Variants in UNC5D observed in about 807,000 individuals in gnomAD.
UNC5D encodes the protein netrin receptor UNC5D.
A neutral mutation model predicts 105.4 loss-of-function variants in UNC5D; 39 were observed. The observed-to-expected ratio is 0.37, with a 90% CI of 0.29 to 0.48. The LOEUF (loss-of-function observed/expected upper bound fraction) is 0.48, where lower values mean the gene tolerates loss of function less well. Among genes scored for constraint, UNC5D ranks in the 20% least tolerant of loss-of-function variants. UNC5D has a pLI of 0.98. For missense variants in UNC5D, 991 were observed against 1,202.4 expected (o/e 0.82, Z 2.60); for synonymous variants, 452 against 450.4 (o/e 1.00, Z -0.04).
At chr8:35,745,515 A>G (rs185797443) in intron 11 of UNC5D, among the ~76,000 whole-genome samples, 69 of 152,328 alleles carry the variant, frequency 4.5e-4, no homozygotes, top group Admixed American at 1.4e-3. Context: ...TAAGGCATTG[A>G]GAATTTAAGT....
At chr8:35,739,785 A>G (rs537976142) in intron 11 of UNC5D, among the ~76,000 whole-genome samples, 2 of 152,304 alleles carry the variant, frequency 1.3e-5, no homozygotes, top group African/African-American at 4.8e-5. Context: ...TTTAATATAT[A>G]TCATCCTTTC....
At chr8:35,643,140 G>A (rs564256242) in intron 4 of UNC5D, among the ~76,000 whole-genome samples, 1 of 152,114 alleles carries the variant, frequency 6.6e-6, no homozygotes, top group Admixed American at 6.5e-5. Flanking sequence ...GTTGTGGGGG[G>A]GCTGTCCTGT....
chr8:35,652,802 C>G (rs1823503228), intron 4 of UNC5D, among the ~76,000 whole-genome samples: 1 of 151,224 alleles, frequency 6.6e-6, no homozygotes, highest in African/African-American at 2.4e-5. Context: ...CTCTCTCTGT[C>G]TCTGGGGAGC....
chr8:35,514,429 TG>T (rs1354031937), intron 1 of UNC5D, among the ~76,000 whole-genome samples: 1 of 152,208 alleles, frequency 6.6e-6, no homozygotes, highest in African/African-American at 2.4e-5. Flanking sequence ...GGAGAGCAGA[TG>T]GAAGTTGCTG....
At chr8:35,601,192 G>A (rs900933038) in intron 4 of UNC5D, among the ~76,000 whole-genome samples, 2 of 152,044 alleles carry the variant, frequency 1.3e-5, no homozygotes, top group Non-Finnish European at 2.9e-5. Context: ...ATGCTGTTTT[G>A]GTTACTGTAG....
intron 1 of UNC5D, among the ~76,000 whole-genome samples, chr8:35,525,919 TAAAG>T (rs751940062): frequency 6.6e-6 from 1 of 152,334 alleles, no homozygotes. Flanking sequence ...GGAGTGTTCA[TAAAG>T]AGTCTACAAA....
At chr8:35,313,763 T>C (rs1055211893) in intron 1 of UNC5D, among the ~76,000 whole-genome samples, 1 of 152,178 alleles carries the variant, frequency 6.6e-6, no homozygotes, top group Non-Finnish European at 1.5e-5. Context: ...CGCAGCTTCA[T>C]CATTTGTTAC....
At chr8:35,272,939 G>A (rs940617825) in intron 1 of UNC5D, among the ~76,000 whole-genome samples, 3 of 152,160 alleles carry the variant, frequency 2.0e-5, no homozygotes, top group African/African-American at 7.2e-5. Flanking sequence ...AGTACATTAG[G>A]TATCACTTTT....
intron 3 of UNC5D, among the ~76,000 whole-genome samples, chr8:35,589,737 A>G (rs1819037522): frequency 6.6e-6 from 1 of 152,172 alleles, no homozygotes; most frequent in African/African-American, 2.4e-5. Flanking sequence ...ATTTCATATA[A>G]ACGAATCATA....
chr8:35,348,277 T>TA (rs2128907959), intron 1 of UNC5D, among the ~76,000 whole-genome samples: 1 of 152,018 alleles, frequency 6.6e-6, no homozygotes, highest in African/African-American at 2.4e-5. Flanking sequence ...TTCACTTAAA[T>TA]ATATGTCATG....
intron 1 of UNC5D, among the ~76,000 whole-genome samples, chr8:35,440,772 A>G (rs1463214483): frequency 6.6e-6 from 1 of 151,956 alleles, no homozygotes; most frequent in Non-Finnish European, 1.5e-5. Context: ...CTGCCACATA[A>G]AACATTTGTC....
intron 1 of UNC5D, among the ~76,000 whole-genome samples, chr8:35,342,862 A>T (rs888257425): frequency 6.6e-6 from 1 of 152,138 alleles, no homozygotes; most frequent in Non-Finnish European, 1.5e-5. Context: ...GCTATTTCAA[A>T]GTGTGCTGCA....
intron 1 of UNC5D, among the ~76,000 whole-genome samples, chr8:35,549,019 C>CTCT (rs1327013056): frequency 6.6e-6 from 1 of 152,184 alleles, no homozygotes; most frequent in African/African-American, 2.4e-5. Context: ...TCTGCAAAGA[C>CTCT]GCTCGGATTC....
At chr8:35,353,798 A>G (rs1812413113) in intron 1 of UNC5D, among the ~76,000 whole-genome samples, 1 of 152,212 alleles carries the variant, frequency 6.6e-6, no homozygotes, top group Non-Finnish European at 1.5e-5. Context: ...AAAAGGGGAC[A>G]GTTACACATC....
intron 1 of UNC5D, among the ~76,000 whole-genome samples, chr8:35,364,766 C>A (rs1240301961): frequency 2.0e-5 from 3 of 152,120 alleles, no homozygotes; most frequent in Admixed American, 1.3e-4. Context: ...ATAACAAGAA[C>A]CTACCCCTTC....
chr8:35,623,369 G>A (rs144483742), intron 4 of UNC5D, among the ~76,000 whole-genome samples: 9 of 152,266 alleles, frequency 5.9e-5, no homozygotes, highest in East Asian at 3.9e-4. Flanking sequence ...ATGAACACCC[G>A]CGGCGTACAT....
At chr8:35,581,834 A>C (rs984236153) in intron 3 of UNC5D, among the ~76,000 whole-genome samples, 2 of 152,116 alleles carry the variant, frequency 1.3e-5, no homozygotes, top group Non-Finnish European at 2.9e-5. Context: ...GATTCAGTAA[A>C]GGGACCACAG....
In UNC5D at chr8:35,796,460, G is replaced by A. The variant is rs1029583265; in HGVS notation, c.*5897G>A. 1 of 149,708 alleles carries A rather than the reference G, an allele frequency of 6.7e-6. No homozygotes were observed. Among genetic ancestry groups the A allele is most frequent in the South Asian group, 2.1e-4 (1 of 4,756 alleles). The allele number at this position is 149,708 out of a possible 1,614,324, so 9.3% of individuals were successfully genotyped here. On this transcript the variant is annotated 3_prime_UTR_variant, in exon 17 of 17. Transcript: ENST00000404895. ...AAAAAAAAAAAAAAAAAACTGGATG[G>A]TTGCAGACTTTTCAAGATAAATGTA...
chr8:35,493,146 T>A (rs1811320392), intron 1 of UNC5D, among the ~76,000 whole-genome samples: 1 of 151,994 alleles, frequency 6.6e-6, no homozygotes, highest in Non-Finnish European at 1.5e-5. Flanking sequence ...TTTTCTTTAA[T>A]TTAATAGTTC....
Sources: allele counts gnomAD v4.1 joint callset (sites outside exome capture counted in the v4.1 genomes callset), GRCh38; gene constraint gnomAD v4.1.1; transcripts MANE v1.5; gene names NCBI Gene and HGNC (gene_info 2026-07-23, HGNC 2026-07-21).